The following GALNTL6 variants were observed in gnomAD, a reference collection of about 807,000 sequenced individuals.
The protein encoded by GALNTL6 is polypeptide N-acetylgalactosaminyltransferase-like 6.
A neutral mutation model predicts 73.7 loss-of-function variants in GALNTL6; 46 were observed. That is an observed-to-expected ratio of 0.62 (90% confidence interval 0.49 to 0.80). The LOEUF (loss-of-function observed/expected upper bound fraction) is 0.80, where lower values mean the gene tolerates loss of function less well. Ranked by LOEUF, GALNTL6 falls within the 30% of genes least tolerant of loss-of-function variation. The probability of loss-of-function intolerance (pLI) is 0.00; values close to 1 mark genes in which losing one functional copy is unlikely to be tolerated. For missense variants in GALNTL6, 604 were observed against 755.0 expected (o/e 0.80, Z 2.34); for synonymous variants, 259 against 263.7 (o/e 0.98, Z 0.17).
chr4:172,429,430 T>C (rs1251232566), intron 5 of GALNTL6, among the ~76,000 whole-genome samples: 1 of 152,018 alleles, frequency 6.6e-6, no homozygotes, highest in East Asian at 1.9e-4. Context: ...CAGCCTGGTA[T>C]CAAACTCCTG....
intron 5 of GALNTL6, among the ~76,000 whole-genome samples, chr4:172,618,864 A>T (rs1658515): frequency 2.0e-5 from 3 of 151,812 alleles, no homozygotes; most frequent in African/African-American, 4.8e-5. Flanking sequence ...GCTGCGATTA[A>T]GGGTGCGCAC....
chr4:172,576,557 A>G (rs1414468417), intron 5 of GALNTL6, among the ~76,000 whole-genome samples: 1 of 152,270 alleles, frequency 6.6e-6, no homozygotes, highest in Non-Finnish European at 1.5e-5. Context: ...GTTAAGCTCC[A>G]TGATTACAAA....
chr4:172,578,376 C>CT (rs1342743413), intron 5 of GALNTL6, among the ~76,000 whole-genome samples: 2 of 152,132 alleles, frequency 1.3e-5, no homozygotes, highest in African/African-American at 4.8e-5. Context: ...TCAGCTTAGG[C>CT]TTTTTGTCTT....
At chr4:171,960,454 A>G (rs1739187262) in intron 2 of GALNTL6, among the ~76,000 whole-genome samples, 1 of 151,652 alleles carries the variant, frequency 6.6e-6, no homozygotes, top group South Asian at 2.1e-4. Context: ...ATTTTTGTAT[A>G]TGTTTAATGG....
At chr4:172,355,830 T>A (rs1742134064) in intron 5 of GALNTL6, among the ~76,000 whole-genome samples, 2 of 152,166 alleles carry the variant, frequency 1.3e-5, no homozygotes, top group Admixed American at 1.3e-4. Context: ...CAAACATTAG[T>A]TTGTAGTATA....
chr4:172,461,939 C>T (rs1239879891), intron 5 of GALNTL6, among the ~76,000 whole-genome samples: 1 of 152,084 alleles, frequency 6.6e-6, no homozygotes, highest in Non-Finnish European at 1.5e-5. Context: ...AAGCAGATGA[C>T]CCTGCCCAAT....
At chr4:172,074,443 G>T (rs560456135) in intron 2 of GALNTL6, among the ~76,000 whole-genome samples, 15 of 152,282 alleles carry the variant, frequency 9.9e-5, no homozygotes, top group African/African-American at 3.6e-4. Flanking sequence ...GACATCTCGT[G>T]TCACAATGCC....
At chr4:172,364,651 A>T (rs1742491799) in intron 5 of GALNTL6, among the ~76,000 whole-genome samples, 1 of 152,168 alleles carries the variant, frequency 6.6e-6, no homozygotes, top group South Asian at 2.1e-4. Flanking sequence ...TGGGAAGATA[A>T]ATATTTATTG....
intron 5 of GALNTL6, among the ~76,000 whole-genome samples, chr4:172,754,433 G>A (rs142591275): frequency 3.0e-4 from 46 of 152,222 alleles, no homozygotes; most frequent in African/African-American, 1.1e-3. Flanking sequence ...TTAGCCAGAT[G>A]TGATGGTGCA....
At chr4:172,391,945 A>T (rs1039318248) in intron 5 of GALNTL6, among the ~76,000 whole-genome samples, 1 of 152,178 alleles carries the variant, frequency 6.6e-6, no homozygotes, top group African/African-American at 2.4e-5. Flanking sequence ...GAGAAAAATA[A>T]ACTAAGATAA....
chr4:172,102,306 A>G (rs1022480805), intron 2 of GALNTL6, among the ~76,000 whole-genome samples: 1 of 152,192 alleles, frequency 6.6e-6, no homozygotes, highest in Non-Finnish European at 1.5e-5. Flanking sequence ...CCAGATAACA[A>G]TTTCAATGAC....
intron 5 of GALNTL6, among the ~76,000 whole-genome samples, chr4:172,551,779 C>T (rs898484306): frequency 6.6e-5 from 10 of 152,144 alleles, no homozygotes; most frequent in South Asian, 2.1e-4. Flanking sequence ...TGTAATAAAA[C>T]GCCTACAGAA....
At chr4:173,007,188 T>G (rs1025600489) in intron 10 of GALNTL6, among the ~76,000 whole-genome samples, 1 of 152,164 alleles carries the variant, frequency 6.6e-6, no homozygotes, top group Non-Finnish European at 1.5e-5. Flanking sequence ...AAAAACCTCC[T>G]CTCTGCCTCA....
At chr4:171,881,169 C>T (rs1179414435) in intron 2 of GALNTL6, among the ~76,000 whole-genome samples, 1 of 152,140 alleles carries the variant, frequency 6.6e-6, no homozygotes, top group African/African-American at 2.4e-5. Flanking sequence ...ATAAACCTGC[C>T]CATCAGAAGA....
intron 3 of GALNTL6, among the ~76,000 whole-genome samples, chr4:172,281,750 C>G (rs1199655814): frequency 6.6e-6 from 1 of 152,056 alleles, no homozygotes; most frequent in Non-Finnish European, 1.5e-5. Context: ...TTGTCTTGCT[C>G]TCACCTGAAT....
At chr4:171,962,539 G>A (rs370631778) in intron 2 of GALNTL6, among the ~76,000 whole-genome samples, 2 of 151,988 alleles carry the variant, frequency 1.3e-5, no homozygotes, top group Admixed American at 6.6e-5. Context: ...CAAATGTCAC[G>A]GCAACATTAG....
At chr4:172,632,706 T>C (rs1253984409) in intron 5 of GALNTL6, among the ~76,000 whole-genome samples, 1 of 151,630 alleles carries the variant, frequency 6.6e-6, no homozygotes, top group Non-Finnish European at 1.5e-5. Context: ...ACCAAGACAA[T>C]GGGGAAAATG....
At chr4:172,245,860 A>G (rs1343189702) in intron 3 of GALNTL6, among the ~76,000 whole-genome samples, 1 of 152,136 alleles carries the variant, frequency 6.6e-6, no homozygotes, top group African/African-American at 2.4e-5. Flanking sequence ...CTTCAGAACC[A>G]CAATGCCAGT....
intron 5 of GALNTL6, among the ~76,000 whole-genome samples, chr4:172,805,862 A>T (rs1297133529): frequency 1.3e-5 from 2 of 152,108 alleles, no homozygotes; most frequent in African/African-American, 4.8e-5. Flanking sequence ...TGGCAAATAG[A>T]TGGGGCGCAA....
Sources: gnomAD v4.1 joint callset for allele counts (sites outside exome capture counted in the v4.1 genomes callset) on GRCh38, gnomAD v4.1.1 for gene constraint, MANE v1.5 for transcripts, NCBI Gene and HGNC (gene_info 2026-07-23, HGNC 2026-07-21) for gene names.